The following SEMA3A variants were observed in gnomAD, a reference collection of about 807,000 sequenced individuals.
SEMA3A encodes the protein semaphorin 3A, also known as semaphorin-3A.
Under a neutral mutation model 97.9 loss-of-function variants are expected in SEMA3A, and 29 were observed. The observed-to-expected ratio is 0.30, with a 90% CI of 0.22 to 0.40. The LOEUF (loss-of-function observed/expected upper bound fraction) is 0.40. Among genes scored for constraint, SEMA3A ranks in the 10% least tolerant of loss-of-function variants. The probability of loss-of-function intolerance (pLI) is 1.00; values close to 1 mark genes in which losing one functional copy is unlikely to be tolerated. For missense variants in SEMA3A, 763 were observed against 951.3 expected (o/e 0.80, Z 2.60); for synonymous variants, 321 against 323.7 (o/e 0.99, Z 0.09).
chr7:84,028,974 A>G (rs1248347822), intron 6 of SEMA3A, among the ~76,000 whole-genome samples: 1 of 152,088 alleles, frequency 6.6e-6, no homozygotes, highest in Non-Finnish European at 1.5e-5. Context: ...TTGCATTTCT[A>G]TATTATTGAT....
intron 1 of SEMA3A, among the ~76,000 whole-genome samples, chr7:84,466,815 T>A (rs943159180): frequency 6.6e-6 from 1 of 152,146 alleles, no homozygotes; most frequent in Non-Finnish European, 1.5e-5. Context: ...TACCTGTAGT[T>A]CCCCTTTGTG....
At chr7:84,335,369 C>T (rs1265516247) in intron 2 of SEMA3A, among the ~76,000 whole-genome samples, 1 of 151,768 alleles carries the variant, frequency 6.6e-6, no homozygotes, top group Admixed American at 6.6e-5. Flanking sequence ...AGGGTTATTC[C>T]CTGATAAAAA....
intron 2 of SEMA3A, among the ~76,000 whole-genome samples, chr7:84,347,260 A>G (rs1329572498): frequency 6.6e-6 from 1 of 152,204 alleles, no homozygotes; most frequent in African/African-American, 2.4e-5. Context: ...TAAACAAAAA[A>G]GGCAGCTTTA....
chr7:83,978,946 C>T (rs1789280335), intron 14 of SEMA3A, among the ~76,000 whole-genome samples: 1 of 152,072 alleles, frequency 6.6e-6, no homozygotes, highest in Admixed American at 6.6e-5. Flanking sequence ...TGTAGGTATA[C>T]AATAAATACT....
chr7:84,102,953 TG>T (rs201617725), intron 4 of SEMA3A, among the ~76,000 whole-genome samples: 2 of 152,112 alleles, frequency 1.3e-5, no homozygotes, highest in Non-Finnish European at 2.9e-5. Context: ...ACATATTGTA[TG>T]GGGGTTTTTT....
chr7:84,209,118 C>T (rs1798564657), intron 3 of SEMA3A, among the ~76,000 whole-genome samples: 1 of 152,176 alleles, frequency 6.6e-6, no homozygotes, highest in South Asian at 2.1e-4. Flanking sequence ...ACTTTTCATA[C>T]TTTCATTTTG....
At chr7:84,305,920 A>G (rs561115982) in intron 3 of SEMA3A, among the ~76,000 whole-genome samples, 1 of 151,738 alleles carries the variant, frequency 6.6e-6, no homozygotes, top group South Asian at 2.1e-4. Context: ...ATATTAATTC[A>G]TATATGTATA....
chr7:84,203,500 G>GTA lies in SEMA3A; in HGVS notation c.-82-8833_-82-8832insTA, dbSNP rs1554345503. 5.4e-5 allele frequency among the ~76,000 whole-genome samples: 4 copies of GTA among 74,654 alleles called. No homozygotes were observed. In the Admixed American group the frequency reaches 5.4e-4, roughly 10 times the overall value. The allele number at this position is 74,654 out of a possible 152,430, so 49.0% of individuals were successfully genotyped here. ...TTGTAGAAAGTATTTCTTTGTGTGT[G>GTA]TGTATATATATATATATATATATAT... On this transcript the variant is annotated intron_variant, in intron 3 of 3. Transcript: ENST00000424555.
intron 3 of SEMA3A, among the ~76,000 whole-genome samples, chr7:84,263,989 A>AT (rs910729214): frequency 1.3e-5 from 2 of 152,182 alleles, no homozygotes; most frequent in African/African-American, 4.8e-5. Context: ...ATACTAACTT[A>AT]TTTTTAAATG....
intron 2 of SEMA3A, among the ~76,000 whole-genome samples, chr7:84,331,892 G>C (rs1441974343): frequency 2.0e-5 from 3 of 152,056 alleles, no homozygotes; most frequent in Non-Finnish European, 4.4e-5. Context: ...ATGAGAGCCT[G>C]TTCAACCCCA....
At chr7:84,189,294 T>C (rs995136979) in intron 1 of SEMA3A, among the ~76,000 whole-genome samples, 1 of 151,870 alleles carries the variant, frequency 6.6e-6, no homozygotes, top group African/African-American at 2.4e-5. Flanking sequence ...ACAAGAGCAA[T>C]GTCTTAGTTG....
chr7:84,207,085 T>A (rs1562852213), intron 3 of SEMA3A, among the ~76,000 whole-genome samples: 1 of 152,252 alleles, frequency 6.6e-6, no homozygotes, highest in African/African-American at 2.4e-5. Flanking sequence ...TTACACATAT[T>A]CATCCTGTCA....
Position 84,477,073 on chromosome 7 carries a change from A to AAAT in SEMA3A, c.-246+15386_-246+15387insATT, listed in dbSNP as rs372931949. On this transcript the variant is annotated intron_variant, in intron 1 of 3. Coordinates refer to the SEMA3A transcript ENST00000424555. ...TGCCATGTGTTTGTTAAAAAAAAAA[A>AAAT]ATATATATATATATATATATTTTTC... Among the ~76,000 whole-genome samples, 142 of 140,566 alleles carry AAAT rather than the reference A, an allele frequency of 1.0e-3. 2 individuals carry two copies. Among genetic ancestry groups the AAAT allele is most frequent in the Middle Eastern group, 7.3e-3 (2 of 274 alleles). The allele number at this position is 140,566 out of a possible 152,430, so 92.2% of individuals were successfully genotyped here.
intron 1 of SEMA3A, among the ~76,000 whole-genome samples, chr7:84,439,662 G>A (rs768602330): frequency 6.6e-6 from 1 of 152,102 alleles, no homozygotes; most frequent in Non-Finnish European, 1.5e-5. Context: ...GCTATAAAAA[G>A]CTTGCTTAAG....
intron 3 of SEMA3A, among the ~76,000 whole-genome samples, chr7:84,229,637 AG>A (rs1391085078): frequency 3.9e-5 from 6 of 152,086 alleles, no homozygotes; most frequent in African/African-American, 1.4e-4. Context: ...TCATAATGAA[AG>A]GTTTTCTGTA....
At chr7:83,985,986 G>A (rs1460179512) in intron 12 of SEMA3A, among the ~76,000 whole-genome samples, 3 of 152,272 alleles carry the variant, frequency 2.0e-5, no homozygotes. Context: ...AGCAGGATGG[G>A]GATATATGGT....
chr7:84,336,141 C>A (rs923744019), intron 2 of SEMA3A, among the ~76,000 whole-genome samples: 1 of 152,050 alleles, frequency 6.6e-6, no homozygotes, highest in Non-Finnish European at 1.5e-5. Flanking sequence ...TATAAGCAGG[C>A]AACTGTCACA....
At chr7:84,392,313 C>T (rs1803601484) in intron 1 of SEMA3A, among the ~76,000 whole-genome samples, 1 of 152,044 alleles carries the variant, frequency 6.6e-6, no homozygotes, top group Admixed American at 6.6e-5. Context: ...AAGTGAGAAA[C>T]TTGTGATATT....
At chr7:84,045,951 A>C (rs1403147318) in intron 6 of SEMA3A, among the ~76,000 whole-genome samples, 4 of 137,838 alleles carry the variant, frequency 2.9e-5, no homozygotes, top group African/African-American at 1.1e-4. Context: ...GTTTTCAAGG[A>C]AACAATAAGA....
Sources: allele counts gnomAD v4.1 joint callset (sites outside exome capture counted in the v4.1 genomes callset), GRCh38; gene constraint gnomAD v4.1.1; transcripts MANE v1.5; gene names NCBI Gene and HGNC (gene_info 2026-07-23, HGNC 2026-07-21).